KCNIP4: variants seen among roughly 807,000 people sequenced by gnomAD.
KCNIP4 encodes the protein Kv channel-interacting protein 4.
In KCNIP4, 12 loss-of-function variants were observed where a neutral mutation model predicts 34.0. The ratio of observed to expected loss-of-function variants is 0.35; its 90% CI spans 0.23 to 0.57. The LOEUF (loss-of-function observed/expected upper bound fraction) is 0.57. Ranked by LOEUF, KCNIP4 falls within the 20% of genes least tolerant of loss-of-function variation. KCNIP4 has a pLI of 0.83. For synonymous variants in KCNIP4, 124 were observed against 102.2 expected (o/e 1.21, Z -1.29); for missense variants, 238 against 311.7 (o/e 0.76, Z 1.78).
At position 21,119,568 on chromosome 4, in the gene KCNIP4, T is replaced by C. The variant is rs137993954; in HGVS notation, c.62-236859A>G. 1.1e-4 allele frequency among the ~76,000 whole-genome samples: 17 copies of C among 151,648 alleles called. No individual in the cohort carries two copies. The South Asian group carries it at 3.5e-3, about 32-fold the overall frequency. ...TAAAAATAACTAGCGTAACCAAACA[T>C]AGAGAGAAACATTTTCTTGTTAAGG... On this transcript the variant is annotated intron_variant, in intron 1 of 8. Coordinates refer to ENST00000382152, the MANE Select transcript of KCNIP4 (RefSeq NM_025221.6).
chr4:21,912,841 C>T (rs561841021), intron 1 of KCNIP4, among the ~76,000 whole-genome samples: 10 of 149,640 alleles, frequency 6.7e-5, no homozygotes, highest in Admixed American at 2.0e-4. Context: ...ATATAATATA[C>T]AGAGAGACAT....
At chr4:21,901,175 T>C (rs145131973) in intron 1 of KCNIP4, among the ~76,000 whole-genome samples, 19 of 152,294 alleles carry the variant, frequency 1.2e-4, no homozygotes, top group South Asian at 4.1e-4. Flanking sequence ...AAATTTAACA[T>C]ATAGTGTGCA....
chr4:21,083,409 C>T (rs1746170930), intron 1 of KCNIP4, among the ~76,000 whole-genome samples: 1 of 151,718 alleles, frequency 6.6e-6, no homozygotes, highest in Non-Finnish European at 1.5e-5. Flanking sequence ...AATGTATTTG[C>T]ACACCTGATG....
chr4:21,501,715 T>TGTGTGTGC (rs569245544), intron 1 of KCNIP4, among the ~76,000 whole-genome samples: 12 of 150,852 alleles, frequency 8.0e-5, no homozygotes, highest in African/African-American at 2.4e-4. Flanking sequence ...TGTGTGTGTG[T>TGTGTGTGC]GCGTTGGAAG....
chr4:21,430,715 G>C (rs1192938860), intron 1 of KCNIP4, among the ~76,000 whole-genome samples: 1 of 152,042 alleles, frequency 6.6e-6, no homozygotes, highest in Non-Finnish European at 1.5e-5. Flanking sequence ...AACACTAATA[G>C]GTAAGAAATC....
At chr4:21,406,163 G>C (rs968245361) in intron 1 of KCNIP4, among the ~76,000 whole-genome samples, 2 of 152,140 alleles carry the variant, frequency 1.3e-5, no homozygotes, top group Non-Finnish European at 2.9e-5. Context: ...TAAAGACAGA[G>C]GGGCCTTGCT....
rs550667269 is a variant in KCNIP4, at chr4:21,016,145, T to C, written c.62-133436A>G. 5.3e-5 allele frequency among the ~76,000 whole-genome samples: 8 copies of C among 151,120 alleles called. No individual in the cohort carries two copies. The South Asian group carries it at 1.7e-3, about 31-fold the overall frequency. On this transcript the variant is annotated intron_variant, in intron 1 of 8. Transcript: ENST00000382152. ...ATTTGCACGATACACCCTGTCCATA[T>C]GAATTGACAGCTGACTGCCACTCTA... is the stretch of plus-strand genomic sequence containing the variant.
chr4:20,883,960 T>C (rs1437102608), intron 1 of KCNIP4, among the ~76,000 whole-genome samples: 1 of 152,178 alleles, frequency 6.6e-6, no homozygotes, highest in African/African-American at 2.4e-5. Flanking sequence ...CTGGCAGCAT[T>C]TGCAGCCACT....
At chr4:20,987,089 ACATCTGGGGAATGATGTT>A (rs1386502178) in intron 1 of KCNIP4, among the ~76,000 whole-genome samples, 4 of 152,098 alleles carry the variant, frequency 2.6e-5, no homozygotes, top group Admixed American at 2.0e-4. Context: ...GAAGCAGGGG[ACATCTGGGGAATGATGTT>A]TATCTAGCGC....
intron 1 of KCNIP4, among the ~76,000 whole-genome samples, chr4:20,920,319 T>C (rs41455649): frequency 0.038 from 5,748 of 152,274 alleles, 173 homozygotes; most frequent in African/African-American, 0.08. Context: ...AAAAAATTAA[T>C]TGTCCTTGTA....
chr4:21,125,136 G>T (rs1750503264), intron 1 of KCNIP4, among the ~76,000 whole-genome samples: 1 of 145,552 alleles, frequency 6.9e-6, no homozygotes, highest in Non-Finnish European at 1.5e-5. Flanking sequence ...GTGGTTCTCG[G>T]ACTTGAATGT....
At chr4:21,520,413 C>T (rs1025282268) in intron 1 of KCNIP4, among the ~76,000 whole-genome samples, 11 of 152,074 alleles carry the variant, frequency 7.2e-5, no homozygotes, top group African/African-American at 2.7e-4. Context: ...TTATAGTAGC[C>T]AGAATTGACT....
intron 1 of KCNIP4, among the ~76,000 whole-genome samples, chr4:21,899,535 A>C (rs1435218067): frequency 6.7e-6 from 1 of 149,604 alleles, no homozygotes; most frequent in Non-Finnish European, 1.5e-5. Flanking sequence ...TAGTTGAAAA[A>C]CCCTAAGGAC....
chr4:21,060,345 G>A (rs575344039), intron 1 of KCNIP4, among the ~76,000 whole-genome samples: 36 of 151,482 alleles, frequency 2.4e-4, no homozygotes, highest in Middle Eastern at 3.5e-3. Flanking sequence ...ATAATATCTT[G>A]CGGTTAACCC....
chr4:21,016,689 T>C (rs1359538321), intron 1 of KCNIP4, among the ~76,000 whole-genome samples: 4 of 152,098 alleles, frequency 2.6e-5, no homozygotes. Context: ...CTCAGCTCAC[T>C]GCAACCTCCG....
intron 1 of KCNIP4, among the ~76,000 whole-genome samples, chr4:21,635,306 T>C (rs1051521900): frequency 1.3e-5 from 2 of 152,286 alleles, no homozygotes; most frequent in South Asian, 4.1e-4. Flanking sequence ...AGTGCCCAGA[T>C]ACATTAAATC....
intron 1 of KCNIP4, among the ~76,000 whole-genome samples, chr4:21,807,065 A>C (rs1721340213): frequency 6.6e-6 from 1 of 152,040 alleles, no homozygotes. Flanking sequence ...ACAGATCATC[A>C]GGCATTAGAT....
intron 1 of KCNIP4, among the ~76,000 whole-genome samples, chr4:21,902,938 G>A (rs1355161013): frequency 6.6e-6 from 1 of 152,096 alleles, no homozygotes; most frequent in Non-Finnish European, 1.5e-5. Flanking sequence ...ACTGTTTCTG[G>A]GCATCTTCAT....
At chr4:21,177,238 C>T (rs1007699225) in intron 1 of KCNIP4, among the ~76,000 whole-genome samples, 1 of 152,022 alleles carries the variant, frequency 6.6e-6, no homozygotes, top group African/African-American at 2.4e-5. Context: ...AAGAGATTTG[C>T]TATATACTCA....
Sources: gnomAD v4.1 joint callset for allele counts (sites outside exome capture counted in the v4.1 genomes callset) on GRCh38, gnomAD v4.1.1 for gene constraint, MANE v1.5 for transcripts, NCBI Gene and HGNC (gene_info 2026-07-23, HGNC 2026-07-21) for gene names.